NFATC1: variants seen among roughly 807,000 people sequenced by gnomAD.
The protein encoded by NFATC1 is nuclear factor of activated T-cells, cytoplasmic 1.
Under a neutral mutation model 76.0 loss-of-function variants are expected in NFATC1, and 22 were observed. The observed-to-expected ratio is 0.29, with a 90% confidence interval of 0.21 to 0.41. NFATC1 has a LOEUF of 0.41. NFATC1 is among the 10% of genes least tolerant of loss of function. The pLI is 1.00. For synonymous variants in NFATC1, 704 were observed against 613.1 expected (o/e 1.15, Z -2.19); for missense variants, 1,357 against 1,337.7 (o/e 1.01, Z -0.23).
chr18:79,494,460 C>G (rs79561524), intron 9 of NFATC1, among the ~76,000 whole-genome samples: 2 of 32,184 alleles, frequency 6.2e-5, no homozygotes, highest in African/African-American at 2.4e-4. Context: ...CGCCCCCCAT[C>G]GACCTGGTAC....
At chr18:79,489,571 G>A (rs2089616664) in intron 9 of NFATC1, among the ~76,000 whole-genome samples, 1 of 152,232 alleles carries the variant, frequency 6.6e-6, no homozygotes, top group South Asian at 2.1e-4. Flanking sequence ...TCAGTTCCCA[G>A]CGGGCCTCTC....
chr18:79,435,382 G>A (rs1435631112), intron 3 of NFATC1, among the ~76,000 whole-genome samples: 1 of 148,558 alleles, frequency 6.7e-6, no homozygotes, highest in Non-Finnish European at 1.5e-5. Context: ...ACGGAGTCTC[G>A]CTCTCACCCG....
In NFATC1 at chr18:79,410,311, G is replaced by A; in HGVS notation, c.128-92G>A. The A allele has an allele frequency of 6.6e-7, 1 of 1,520,718 alleles. No homozygotes were observed. The highest frequency in any genetic ancestry group is 1.4e-5 in the African/African-American group (1 of 72,558). The allele number at this position is 1,520,718 out of a possible 1,614,324, so 94.2% of individuals were successfully genotyped here. A position where few individuals can be genotyped will look rare whatever the true frequency, so the allele number is the denominator to read the frequency against. On this transcript the variant is annotated intron_variant, in intron 1 of 9. Transcript: ENST00000427363. This position sits in a 1 kb window ranked among gnomAD's most constrained non-coding sequence, Gnocchi z 6.7. ...CCGCTCCTTGGGGTCCGTTGGTCGA[G>A]GCCGGGGGTTGCTGGCCGGCCCTGA...
chr18:79,488,599 G>A (rs1054116465), intron 9 of NFATC1, among the ~76,000 whole-genome samples: 1 of 152,158 alleles, frequency 6.6e-6, no homozygotes, highest in Non-Finnish European at 1.5e-5. Context: ...TTGTCCACCC[G>A]CGAGGCCAGC....
At chr18:79,420,961 G>C (rs2086071449) in intron 2 of NFATC1, 1 of 152,476 alleles carries the variant, frequency 6.6e-6, no homozygotes, top group Non-Finnish European at 1.5e-5. Context: ...GGAAGAGGGA[G>C]GCCCCTCCAG....
intron 9 of NFATC1, chr18:79,493,423 GC>G (rs560121298): frequency 1.3e-5 from 2 of 152,382 alleles, no homozygotes; most frequent in East Asian, 3.9e-4. Context: ...TCGGCGCGGG[GC>G]TGGTCTGCCA....
At position 79,481,983 on chromosome 18, in the gene NFATC1, G is replaced by A. The variant is rs549617014; in HGVS notation, c.2093-4265G>A. ...CTGGTTCCTGGGGTGTCATTCCAGC[G>A]TGACCTGGTCCTGGGGTGTCATTCC... On this transcript the variant is annotated intron_variant, in intron 8 of 9. Coordinates refer to ENST00000427363, the MANE Select transcript of NFATC1 (RefSeq NM_001278669.2). Among the ~76,000 whole-genome samples the A allele has an allele frequency of 6.5e-3, 916 of 140,024 alleles. 15 individuals are homozygous for A. Among genetic ancestry groups the A allele is most frequent in the Non-Finnish European group, 9.9e-3 (643 of 64,672 alleles). 91.9% of individuals were successfully genotyped at this position (140,024 alleles called of 152,430 possible). A position where few individuals can be genotyped will look rare whatever the true frequency, so the allele number is the denominator to read the frequency against.
At chr18:79,456,505 C>A (rs1002961457) in intron 6 of NFATC1, among the ~76,000 whole-genome samples, 1 of 152,258 alleles carries the variant, frequency 6.6e-6, no homozygotes, top group Non-Finnish European at 1.5e-5. Flanking sequence ...CATCAGTGCC[C>A]GCTGGCCACC....
At chr18:79,412,236 T>A (rs1267302550) in intron 2 of NFATC1, among the ~76,000 whole-genome samples, 2 of 152,228 alleles carry the variant, frequency 1.3e-5, no homozygotes, top group Non-Finnish European at 2.9e-5. Context: ...GAAACAGCTT[T>A]CCCAGCTGGT....
chr18:79,495,852 C>T (rs528320798), intron 9 of NFATC1, among the ~76,000 whole-genome samples: 8 of 151,006 alleles, frequency 5.3e-5, no homozygotes, highest in Admixed American at 2.6e-4. Flanking sequence ...AGCTGTGAAC[C>T]GTAGTAAGGT....
chr18:79,407,125 G>A (rs1477330130), intron 1 of NFATC1, among the ~76,000 whole-genome samples: 9 of 152,348 alleles, frequency 5.9e-5, no homozygotes, highest in East Asian at 3.9e-4. Context: ...GATTCTCCTC[G>A]GAAACCTCAC....
intron 1 of NFATC1, among the ~76,000 whole-genome samples, chr18:79,396,838 G>C (rs1366310157): frequency 6.8e-6 from 1 of 147,058 alleles, no homozygotes; most frequent in Non-Finnish European, 1.5e-5. Flanking sequence ...CGTCTCCCTC[G>C]CGCCGCGCCC....
intron 9 of NFATC1, among the ~76,000 whole-genome samples, chr18:79,499,883 T>C (rs150567838): frequency 2.1e-3 from 316 of 152,310 alleles, no homozygotes; most frequent in African/African-American, 7.2e-3. Flanking sequence ...AACAATGAAC[T>C]GTCAGTAGTC....
At chr18:79,426,518 C>T (rs1299277234) in intron 2 of NFATC1, among the ~76,000 whole-genome samples, 3 of 152,210 alleles carry the variant, frequency 2.0e-5, no homozygotes, top group African/African-American at 7.2e-5. Flanking sequence ...ACTCGCAGGG[C>T]CTGGCAGGTG....
chr18:79,486,348 C>T lies in NFATC1; in HGVS notation c.2193C>T (p.Ser731=). The change falls in exon 9 of 10, where the codon AGC becomes AGT. Residue 731 remains serine (S), a synonymous_variant. Transcript: ENST00000427363. ...GTCCTCTCCCAAGACCATACTACAG[C>T]CAGCAGCTCGCGATGCCACCCGACC... ...GLSPLPRPYY[S]QQLAMPPDPS... The T allele has an allele frequency of 1.9e-6, 3 of 1,613,172 alleles. No homozygotes were observed. The highest frequency in any genetic ancestry group is 1.6e-4 in the Middle Eastern group (1 of 6,062).
At chr18:79,471,828 A>C (rs1040009906) in intron 8 of NFATC1, among the ~76,000 whole-genome samples, 1 of 152,340 alleles carries the variant, frequency 6.6e-6, no homozygotes, top group South Asian at 2.1e-4. Context: ...GTCCTTCACC[A>C]GGGGTGGGCG....
chr18:79,443,993 A>G (rs1161479190), intron 3 of NFATC1, among the ~76,000 whole-genome samples: 1 of 152,116 alleles, frequency 6.6e-6, no homozygotes, highest in African/African-American at 2.4e-5. Context: ...CAAGGCCGAG[A>G]TCTGTTCCCT....
chr18:79,400,210 G>C (rs1280869808), intron 1 of NFATC1: 3 of 1,190,620 alleles, frequency 2.5e-6, no homozygotes, highest in East Asian at 7.7e-5. Flanking sequence ...AAACTCGGAA[G>C]CCGGCGGCCG....
intron 8 of NFATC1, among the ~76,000 whole-genome samples, chr18:79,483,072 C>T (rs1185628403): frequency 1.5e-5 from 2 of 133,688 alleles, no homozygotes; most frequent in African/African-American, 5.5e-5. Context: ...GTCACTCCAG[C>T]GTGACCTGGT....
Sources: gnomAD v4.1 joint callset for allele counts (sites outside exome capture counted in the v4.1 genomes callset) on GRCh38, gnomAD v4.1.1 for gene constraint, Gnocchi (gnomAD v3.1) non-coding constraint, MANE v1.5 for transcripts, NCBI Gene and HGNC (gene_info 2026-07-23, HGNC 2026-07-21) for gene names.